The following TNFSF4 variants were observed in gnomAD, a reference collection of about 807,000 sequenced individuals.
TNFSF4 encodes the protein TNF superfamily member 4.
A neutral mutation model predicts 7.3 loss-of-function variants in TNFSF4; 4 were observed. The ratio of observed to expected loss-of-function variants is 0.55; its 90% confidence interval spans 0.27 to 1.25. TNFSF4 has a LOEUF of 1.25. Ranked by LOEUF, TNFSF4 falls within the 50% of genes most tolerant of loss-of-function variation. The pLI is 0.12. For missense variants in TNFSF4, 181 were observed against 208.8 expected (o/e 0.87, Z 0.82); for synonymous variants, 76 against 83.7 (o/e 0.91, Z 0.50).
the TNFSF4 span, among the ~76,000 whole-genome samples, chr1:173,307,884 A>T: frequency 6.6e-6 from 1 of 151,902 alleles, no homozygotes; most frequent in African/African-American, 2.4e-5. Context: ...TAAAAGTTTA[A>T]AAATTATCTC....
chr1:173,230,634 C>G, the TNFSF4 span, among the ~76,000 whole-genome samples: 1 of 152,114 alleles, frequency 6.6e-6, no homozygotes, highest in Non-Finnish European at 1.5e-5. Context: ...ATCAATGAAT[C>G]TAGGAGCTGG....
chr1:173,292,303 T>C, the TNFSF4 span, among the ~76,000 whole-genome samples: 2 of 152,206 alleles, frequency 1.3e-5, no homozygotes, highest in African/African-American at 4.8e-5. Flanking sequence ...GTAGACTTTA[T>C]TTCTGAAATG....
chr1:173,244,960 T>G, the TNFSF4 span, among the ~76,000 whole-genome samples: 1 of 152,062 alleles, frequency 6.6e-6, no homozygotes, highest in African/African-American at 2.4e-5. Flanking sequence ...TAGATAAACC[T>G]GATGCGATCT....
At chr1:173,434,846 C>G in the TNFSF4 span, among the ~76,000 whole-genome samples, 1 of 152,194 alleles carries the variant, frequency 6.6e-6, no homozygotes, top group Non-Finnish European at 1.5e-5. Flanking sequence ...CAGAGAAATT[C>G]TCAGTGTCAG....
the TNFSF4 span, among the ~76,000 whole-genome samples, chr1:173,246,784 C>T: frequency 1.3e-5 from 2 of 152,166 alleles, no homozygotes; most frequent in Non-Finnish European, 1.5e-5. Flanking sequence ...CTTGCAACCT[C>T]TATTCCTTCC....
the TNFSF4 span, among the ~76,000 whole-genome samples, chr1:173,284,169 T>C: frequency 6.6e-6 from 1 of 152,178 alleles, no homozygotes; most frequent in Admixed American, 6.5e-5. Flanking sequence ...AGTTTGAAGC[T>C]AGCAGAAGTC....
chr1:173,352,607 G>T, the TNFSF4 span, among the ~76,000 whole-genome samples: 1 of 152,294 alleles, frequency 6.6e-6, no homozygotes, highest in East Asian at 1.9e-4. Flanking sequence ...GGCAATAAAA[G>T]ATCACAAGGC....
chr1:173,395,377 A>AATATATATAT, the TNFSF4 span, among the ~76,000 whole-genome samples: 1,002 of 63,010 alleles, frequency 0.016, 31 homozygotes, highest in East Asian at 0.025. Context: ...CTGTGTATAT[A>AATATATATAT]ATATATATAT....
the TNFSF4 span, among the ~76,000 whole-genome samples, chr1:173,257,227 T>C: frequency 6.6e-6 from 1 of 152,232 alleles, no homozygotes; most frequent in Non-Finnish European, 1.5e-5. Flanking sequence ...TGATGCGGAT[T>C]CTGATGTTAA....
At chr1:173,357,298 G>A in the TNFSF4 span, among the ~76,000 whole-genome samples, 1 of 152,168 alleles carries the variant, frequency 6.6e-6, no homozygotes, top group African/African-American at 2.4e-5. Flanking sequence ...CTATTTGGAA[G>A]ATTAGGCTGG....
chr1:173,195,072 A>T (rs143622091), intron 1 of TNFSF4, among the ~76,000 whole-genome samples: 67 of 152,256 alleles, frequency 4.4e-4, no homozygotes, highest in African/African-American at 1.5e-3. Context: ...TCGGGAATAA[A>T]TATTTATTCA....
the TNFSF4 span, among the ~76,000 whole-genome samples, chr1:173,414,804 A>C: frequency 6.6e-6 from 1 of 152,184 alleles, no homozygotes; most frequent in Non-Finnish European, 1.5e-5. Context: ...GCCTCGTAGC[A>C]GCTTGGGTCC....
At chr1:173,294,694 A>C in the TNFSF4 span, among the ~76,000 whole-genome samples, 1 of 152,198 alleles carries the variant, frequency 6.6e-6, no homozygotes, top group African/African-American at 2.4e-5. Context: ...ATATGTGTAC[A>C]GAAGTCAATC....
chr1:173,377,171 C>A, the TNFSF4 span, among the ~76,000 whole-genome samples: 1 of 152,218 alleles, frequency 6.6e-6, no homozygotes, highest in Non-Finnish European at 1.5e-5. Context: ...ATTCCAGACA[C>A]ATTTTGGCAA....
chr1:173,253,488 G>A, the TNFSF4 span, among the ~76,000 whole-genome samples: 2 of 152,150 alleles, frequency 1.3e-5, no homozygotes, highest in Non-Finnish European at 2.9e-5. Context: ...TGGAGAAGGG[G>A]AGTAATGAAG....
intron 1 of TNFSF4, 56 bp downstream of exon 1, chr1:173,206,968 T>TG: frequency 6.5e-7 from 1 of 1,534,042 alleles, no homozygotes. Context: ...TTGCAGCTGT[T>TG]GCAGCTGCCA....
At chr1:173,269,731 T>C in the TNFSF4 span, among the ~76,000 whole-genome samples, 226 of 152,288 alleles carry the variant, frequency 1.5e-3, no homozygotes, top group Non-Finnish European at 2.6e-3. Flanking sequence ...ATGAATTGTT[T>C]ATTTGTGCAA....
the TNFSF4 span, among the ~76,000 whole-genome samples, chr1:173,419,911 G>GTCAAAT: frequency 3.0e-4 from 46 of 152,086 alleles, no homozygotes; most frequent in African/African-American, 1.0e-3. Context: ...GTGGCGGGGG[G>GTCAAAT]GGGGATGAGA....
At chr1:173,240,110 C>T in the TNFSF4 span, among the ~76,000 whole-genome samples, 1 of 152,086 alleles carries the variant, frequency 6.6e-6, no homozygotes, top group African/African-American at 2.4e-5. Context: ...ACCTGGCCCC[C>T]ACATTCAACA....
Sources: allele counts gnomAD v4.1 joint callset (sites outside exome capture counted in the v4.1 genomes callset), GRCh38; gene constraint gnomAD v4.1.1; transcripts MANE v1.5; gene names NCBI Gene and HGNC (gene_info 2026-07-23, HGNC 2026-07-21).